SCOC: variants seen among roughly 807,000 people sequenced by gnomAD.
SCOC encodes short coiled coil protein.
Under a neutral mutation model 9.9 loss-of-function variants are expected in SCOC, and 7 were observed. That is an observed-to-expected ratio of 0.71 (90% CI 0.40 to 1.33). The LOEUF (loss-of-function observed/expected upper bound fraction) is 1.33. SCOC is among the 40% of genes most tolerant of loss of function. The pLI is 0.01. For missense variants in SCOC, 66 were observed against 89.7 expected, an observed-to-expected ratio of 0.74 and a Z score of 1.07; for synonymous variants, 19 against 28.2, an observed-to-expected ratio of 0.67 and a Z score of 1.03.
chr4:140,332,977 G>C (rs1326362414), intron 1 of SCOC, among the ~76,000 whole-genome samples: 2 of 152,108 alleles, frequency 1.3e-5, no homozygotes, highest in Non-Finnish European at 2.9e-5. Context: ...ATCTCACAGA[G>C]TGAAACCCAA....
At chr4:140,257,492 T>C (rs1007763186) in intron 1 of SCOC, 1 of 151,920 alleles carries the variant, frequency 6.6e-6, no homozygotes, top group African/African-American at 2.4e-5. Flanking sequence ...AAGGGGGAGG[T>C]TTGGGCCTAG....
At chr4:140,299,618 C>T (rs1171133009) in intron 1 of SCOC, among the ~76,000 whole-genome samples, 2 of 152,150 alleles carry the variant, frequency 1.3e-5, no homozygotes, top group Non-Finnish European at 2.9e-5. Flanking sequence ...TGGATACAAA[C>T]GAATTCTAAG....
upstream of SCOC, among the ~76,000 whole-genome samples, chr4:140,341,098 T>C (rs1157349000): frequency 1.3e-5 from 2 of 152,074 alleles, no homozygotes; most frequent in Admixed American, 1.3e-4. Flanking sequence ...GAGTTTTCTT[T>C]CTTTTCATTC....
chr4:140,371,989 T>C (rs1348308913), upstream of SCOC, among the ~76,000 whole-genome samples: 1 of 152,248 alleles, frequency 6.6e-6, no homozygotes, highest in Non-Finnish European at 1.5e-5. Flanking sequence ...TGAGGCATTA[T>C]GCTAAATGAA....
chr4:140,286,836 T>C (rs1242662305), intron 1 of SCOC, among the ~76,000 whole-genome samples: 2 of 152,148 alleles, frequency 1.3e-5, no homozygotes, highest in Admixed American at 1.3e-4. Context: ...CAGCCAATAC[T>C]CTCAAGATCT....
At chr4:140,296,127 A>G (rs1578782316) in intron 1 of SCOC, among the ~76,000 whole-genome samples, 1 of 152,054 alleles carries the variant, frequency 6.6e-6, no homozygotes, top group South Asian at 2.1e-4. Flanking sequence ...TGCTCCAGGC[A>G]CGTTGTGGCA....
At chr4:140,272,576 G>A (rs1009493226) in intron 1 of SCOC, among the ~76,000 whole-genome samples, 2 of 152,224 alleles carry the variant, frequency 1.3e-5, no homozygotes, top group African/African-American at 2.4e-5. Flanking sequence ...CAGAAGGGCA[G>A]AGGTATTTGT....
chr4:140,375,908 G>A (rs949294349), intron 1 of SCOC, among the ~76,000 whole-genome samples: 1 of 152,034 alleles, frequency 6.6e-6, no homozygotes, highest in Non-Finnish European at 1.5e-5. Context: ...CAGCCTCAGC[G>A]CCCCAAATTC....
intron 1 of SCOC, among the ~76,000 whole-genome samples, chr4:140,377,107 C>T (rs979602747): frequency 1.3e-5 from 2 of 152,200 alleles, no homozygotes; most frequent in African/African-American, 2.4e-5. Context: ...TGGCTGTTGC[C>T]TCTCTCATCT....
intron 1 of SCOC, among the ~76,000 whole-genome samples, chr4:140,374,614 T>G (rs1045082567): frequency 6.6e-6 from 1 of 152,200 alleles, no homozygotes; most frequent in East Asian, 1.9e-4. Flanking sequence ...GACATTATAT[T>G]GAAGTTCCGT....
At chr4:140,274,546 A>G (rs1438833619) in intron 1 of SCOC, among the ~76,000 whole-genome samples, 5 of 152,096 alleles carry the variant, frequency 3.3e-5, no homozygotes, top group Middle Eastern at 3.4e-3. Flanking sequence ...CAGCTTCCCA[A>G]CCTCTTAGGG....
At chr4:140,313,063 T>C (rs1732200322) in intron 1 of SCOC, among the ~76,000 whole-genome samples, 1 of 152,198 alleles carries the variant, frequency 6.6e-6, no homozygotes, top group Non-Finnish European at 1.5e-5. Context: ...CTTTTCCAGC[T>C]GGAAAGCCCA....
intron 1 of SCOC, among the ~76,000 whole-genome samples, chr4:140,333,167 G>A (rs1398541754): frequency 6.6e-6 from 1 of 152,092 alleles, no homozygotes; most frequent in African/African-American, 2.4e-5. Context: ...CCCTCGGGCT[G>A]GCTCCTTCAA....
intron 1 of SCOC, among the ~76,000 whole-genome samples, chr4:140,259,460 A>G (rs1730580671): frequency 1.3e-5 from 2 of 152,188 alleles, no homozygotes; most frequent in African/African-American, 4.8e-5. Context: ...TTAATCTTTT[A>G]AAAGTACTAC....
chr4:140,373,833 GC>G, intron 1 of SCOC, 116 bp downstream of exon 1: 1 of 1,163,692 alleles, frequency 8.6e-7, no homozygotes, highest in East Asian at 2.6e-5. Flanking sequence ...CGCACCGGGG[GC>G]CCGGGAGGAG....
In SCOC at chr4:140,295,241, G is replaced by T. The variant is rs144484000; in HGVS notation, c.-19+37831G>T. ...TCCCTTTCAGGTTTACACTTGGTGG[G>T]AGTTTGTAGGAGCTTACATCTGATA... On this transcript the variant is annotated intron_variant, in intron 1 of 4. Coordinates refer to the SCOC transcript ENST00000394205. Among the ~76,000 whole-genome samples the T allele has an allele frequency of 3.4e-3, 523 of 152,248 alleles. 2 individuals are homozygous for T. The highest frequency in any genetic ancestry group is 0.012 in the African/African-American group (504 of 41,536).
At chr4:140,358,466 A>C (rs964962731) in intron 2 of SCOC, among the ~76,000 whole-genome samples, 12 of 152,352 alleles carry the variant, frequency 7.9e-5, no homozygotes, top group Middle Eastern at 3.4e-3. Context: ...AGCTGTGGTA[A>C]CATTGGGCAA....
At chr4:140,265,053 A>G (rs1325346280) in intron 1 of SCOC, among the ~76,000 whole-genome samples, 4 of 152,214 alleles carry the variant, frequency 2.6e-5, no homozygotes, top group Non-Finnish European at 4.4e-5. Flanking sequence ...TGATTTTATT[A>G]TAAATAATGT....
chr4:140,333,230 C>T (rs553197615), intron 1 of SCOC, among the ~76,000 whole-genome samples: 2 of 152,012 alleles, frequency 1.3e-5, no homozygotes, highest in Non-Finnish European at 2.9e-5. Flanking sequence ...TTCCTGACAC[C>T]GTATATAAAA....
Sources: gnomAD v4.1 joint callset for allele counts (sites outside exome capture counted in the v4.1 genomes callset) on GRCh38, gnomAD v4.1.1 for gene constraint, MANE v1.5 for transcripts, NCBI Gene and HGNC (gene_info 2026-07-23, HGNC 2026-07-21) for gene names.